Variants in RNF182 observed in about 807,000 individuals in gnomAD.
RNF182 encodes E3 ubiquitin-protein ligase RNF182.
In RNF182, 15 loss-of-function variants were observed where a neutral mutation model predicts 14.4. The observed-to-expected ratio is 1.04, with a 90% CI of 0.70 to 1.60. RNF182 has a LOEUF of 1.60. Ranked by LOEUF, RNF182 falls within the 40% of genes most tolerant of loss-of-function variation. The pLI is 0.00. For synonymous variants in RNF182, 128 were observed against 122.9 expected, an observed-to-expected ratio of 1.04 and a Z score of -0.27; for missense variants, 268 against 294.8, an observed-to-expected ratio of 0.91 and a Z score of 0.67.
In RNF182 at chr6:13,976,891, C is replaced by G; in HGVS notation, c.-211-18C>G. The G allele has an allele frequency of 1.9e-6, 1 of 522,126 alleles. No homozygotes were observed. The highest frequency in any genetic ancestry group is 3.4e-6 in the Non-Finnish European group (1 of 296,558). 32.3% of individuals were successfully genotyped at this position (522,126 alleles called of 1,614,324 possible). ...AGTGAACTGTTCATTATATTAGAAT[C>G]TCTTTTCTTCTTTACAGACCCTTCA... On this transcript the variant is annotated intron_variant, in intron 2 of 2. Coordinates refer to ENST00000488300, the MANE Select transcript of RNF182 (RefSeq NM_152737.4).
chr6:13,979,533 C>G lies in RNF182; in HGVS notation c.*1670C>G, dbSNP rs1459498820. The G allele has an allele frequency of 6.0e-6, 1 of 166,922 alleles. No individual in the cohort carries two copies. The highest frequency in any genetic ancestry group is 1.9e-4 in the East Asian group (1 of 5,202). The allele number at this position is 166,922 out of a possible 1,614,324, so 10.3% of individuals were successfully genotyped here. On this transcript the variant is annotated 3_prime_UTR_variant, in exon 3 of 3. Transcript: ENST00000488300. ...GAGAATAGTATACATGGGATATGGT[C>G]CAATGAATTTAAGCCCCAAGATACA...
chr6:13,932,399 A>C (rs1364008062), intron 1 of RNF182, among the ~76,000 whole-genome samples: 2 of 152,178 alleles, frequency 1.3e-5, no homozygotes, highest in Non-Finnish European at 2.9e-5. Context: ...TTCTTTGACT[A>C]AACTTTAATT....
chr6:13,962,527 AT>A (rs1759908681), intron 1 of RNF182, among the ~76,000 whole-genome samples: 1 of 152,234 alleles, frequency 6.6e-6, no homozygotes, highest in African/African-American at 2.4e-5. Context: ...GTGATTCTCC[AT>A]TTTGCACAAA....
At chr6:13,953,563 A>C (rs1759650715) in intron 1 of RNF182, among the ~76,000 whole-genome samples, 1 of 152,158 alleles carries the variant, frequency 6.6e-6, no homozygotes, top group Non-Finnish European at 1.5e-5. Context: ...GTCATGGAAT[A>C]GGCAGTGTGA....
Position 13,933,352 on chromosome 6 carries a change from C to CA in RNF182, c.-367+8335dup, listed in dbSNP as rs539582089. 3.7e-4 allele frequency among the ~76,000 whole-genome samples: 56 copies of CA among 152,056 alleles called. 1 individual carries two copies. The East Asian group carries it at 7.4e-3, about 20-fold the overall frequency. Reference sequence around the variant, plus strand: ...GCAACATAGTGAGATCCCACCTCTACAAAAAATGCAAAAATTAGCTGGGCA... The same window carrying CA: ...GCAACATAGTGAGATCCCACCTCTACAAAAAAATGCAAAAATTAGCTGGGCA... On this transcript the variant is annotated intron_variant, in intron 1 of 2. Transcript: ENST00000488300.
intron 1 of RNF182, among the ~76,000 whole-genome samples, chr6:13,973,737 TA>T: frequency 6.6e-6 from 1 of 152,316 alleles, no homozygotes; most frequent in East Asian, 1.9e-4. Flanking sequence ...TTTTTCTATA[TA>T]AATTACTCAG....
chr6:13,979,020 G>A lies in RNF182; in HGVS notation c.*1157G>A, dbSNP rs1760426177. 6.0e-6 allele frequency: 1 copy of A among 167,068 alleles called. No homozygotes were observed. Among genetic ancestry groups the A allele is most frequent in the Non-Finnish European group, 1.5e-5 (1 of 68,096 alleles). 10.3% of individuals were successfully genotyped at this position (167,068 alleles called of 1,614,324 possible). A position where few individuals can be genotyped will look rare whatever the true frequency, so the allele number is the denominator to read the frequency against. ...TGGGCAAGAGACATGCAAAGCTGAA[G>A]CCCTGCTTGAAAAGACCCTTCAAGG... On this transcript the variant is annotated 3_prime_UTR_variant, in exon 3 of 3. Coordinates refer to ENST00000488300, the MANE Select transcript of RNF182 (RefSeq NM_152737.4).
chr6:13,928,172 A>G (rs1382096209), intron 1 of RNF182, among the ~76,000 whole-genome samples: 1 of 152,230 alleles, frequency 6.6e-6, no homozygotes. Flanking sequence ...GTAAGCCACA[A>G]GTGCTTGGGG....
chr6:13,935,570 T>G (rs184528577), intron 1 of RNF182, among the ~76,000 whole-genome samples: 2 of 152,316 alleles, frequency 1.3e-5, no homozygotes, highest in Admixed American at 1.3e-4. Flanking sequence ...AAGCTACATA[T>G]TAATAAGTAG....
intron 1 of RNF182, among the ~76,000 whole-genome samples, chr6:13,950,208 G>A (rs140327715): frequency 3.9e-5 from 6 of 152,278 alleles, no homozygotes; most frequent in South Asian, 2.1e-4. Flanking sequence ...GTGAGTGAGC[G>A]ATTTTAACCT....
intron 1 of RNF182, among the ~76,000 whole-genome samples, chr6:13,930,119 A>C (rs1383088264): frequency 2.0e-5 from 3 of 151,770 alleles, no homozygotes; most frequent in Admixed American, 1.3e-4. Context: ...ATTTGGAAAA[A>C]TATTTGGAAA....
intron 1 of RNF182, among the ~76,000 whole-genome samples, chr6:13,969,187 T>A (rs1406628969): frequency 6.6e-6 from 1 of 152,150 alleles, no homozygotes; most frequent in Non-Finnish European, 1.5e-5. Flanking sequence ...GGCTTTATTC[T>A]TCTTCTTCTC....
chr6:13,973,313 G>A (rs1760241104), intron 1 of RNF182, among the ~76,000 whole-genome samples: 1 of 152,142 alleles, frequency 6.6e-6, no homozygotes, highest in Non-Finnish European at 1.5e-5. Flanking sequence ...TGAGACTTTG[G>A]ACTATGGACT....
chr6:13,936,883 C>G (rs1472298088), intron 1 of RNF182, among the ~76,000 whole-genome samples: 1 of 151,756 alleles, frequency 6.6e-6, no homozygotes, highest in Non-Finnish European at 1.5e-5. Flanking sequence ...GCTTAGAATC[C>G]ATTTGAAATA....
intron 1 of RNF182, among the ~76,000 whole-genome samples, chr6:13,964,399 G>A (rs914671259): frequency 2.0e-5 from 3 of 152,120 alleles, no homozygotes; most frequent in Non-Finnish European, 4.4e-5. Flanking sequence ...CCAATGTTCT[G>A]CCCAAATTAA....
At chr6:13,934,216 A>G (rs1280382961) in intron 1 of RNF182, among the ~76,000 whole-genome samples, 1 of 152,180 alleles carries the variant, frequency 6.6e-6, no homozygotes, top group Non-Finnish European at 1.5e-5. Flanking sequence ...AGTGGCTGCC[A>G]TGTTGAATAG....
chr6:13,960,656 AGTGTGTGTGT>A lies in RNF182; in HGVS notation c.-366-13526_-366-13517del, dbSNP rs745687828. ...ACTTTTTTGATGGAGGGAGAGAGAGAGTGTGTGTGTGTGTGTGTGTGTGTGTGTGTGTGTG... is the reference window on the plus strand; with the variant it reads ...ACTTTTTTGATGGAGGGAGAGAGAGAGTGTGTGTGTGTGTGTGTGTGTGTG... On this transcript the variant is annotated intron_variant, in intron 1 of 2. Transcript: ENST00000488300. Among the ~76,000 whole-genome samples, 256 of 133,212 alleles carry A rather than the reference AGTGTGTGTGT, an allele frequency of 1.9e-3. 1 individual carries two copies. Among genetic ancestry groups the A allele is most frequent in the African/African-American group, 6.1e-3 (226 of 36,850 alleles). 87.4% of individuals were successfully genotyped at this position (133,212 alleles called of 152,430 possible).
chr6:13,931,648 T>C (rs1404015049), intron 1 of RNF182, among the ~76,000 whole-genome samples: 3 of 137,428 alleles, frequency 2.2e-5, no homozygotes, highest in Admixed American at 6.9e-5. Context: ...GACCTTTTTT[T>C]CTCTTTTTTT....
chr6:13,949,204 T>C (rs1485695193), intron 1 of RNF182: 6 of 798,882 alleles, frequency 7.5e-6, no homozygotes, highest in African/African-American at 6.7e-5. Context: ...AGAATGCCTC[T>C]CTTATTTCTG....
Sources: gnomAD v4.1 joint callset for allele counts (sites outside exome capture counted in the v4.1 genomes callset) on GRCh38, gnomAD v4.1.1 for gene constraint, MANE v1.5 for transcripts, NCBI Gene and HGNC (gene_info 2026-07-23, HGNC 2026-07-21) for gene names.